The following MAGI2 variants were observed in gnomAD, a reference collection of about 807,000 sequenced individuals.
MAGI2 encodes membrane associated guanylate kinase, WW and PDZ domain containing 2, also known as membrane-associated guanylate kinase, WW and PDZ domain-containing protein 2.
MAGI2 carries 35 observed loss-of-function variants against 133.3 expected under a neutral mutation model. That is an observed-to-expected ratio of 0.26 (90% CI 0.20 to 0.35). MAGI2 has a LOEUF of 0.35. Ranked by LOEUF, MAGI2 falls within the 10% of genes least tolerant of loss-of-function variation. The pLI is 1.00. For synonymous variants in MAGI2, 729 were observed against 710.6 expected, an observed-to-expected ratio of 1.03 and a Z score of -0.41; for missense variants, 1,636 against 1,863.4, an observed-to-expected ratio of 0.88 and a Z score of 2.25.
intron 2 of MAGI2, among the ~76,000 whole-genome samples, chr7:78,828,622 G>T (rs1790872196): frequency 1.3e-5 from 2 of 152,228 alleles, no homozygotes; most frequent in South Asian, 4.2e-4. Context: ...AAGGAAATAT[G>T]AATAAAGTGT....
intron 1 of MAGI2, among the ~76,000 whole-genome samples, chr7:79,170,723 A>C (rs758904): frequency 1.4e-3 from 210 of 152,214 alleles, no homozygotes; most frequent in African/African-American, 4.9e-3. Flanking sequence ...GATGCCATTG[A>C]GATTCTTAAA....
At chr7:78,239,674 A>C (rs1198723531) in intron 10 of MAGI2, among the ~76,000 whole-genome samples, 1 of 152,240 alleles carries the variant, frequency 6.6e-6, no homozygotes, top group African/African-American at 2.4e-5. Context: ...ATCACTAATC[A>C]TCAGGGAAAT....
chr7:78,135,327 T>C (rs910434586), intron 16 of MAGI2, 121 bp from the exon 17 acceptor site: 10 of 809,220 alleles, frequency 1.2e-5, no homozygotes, highest in African/African-American at 1.2e-4. Context: ...TATTTGCCTT[T>C]TGAAATCACA....
chr7:79,363,423 A>G (rs1842488911), intron 1 of MAGI2, among the ~76,000 whole-genome samples: 1 of 150,256 alleles, frequency 6.7e-6, no homozygotes, highest in African/African-American at 2.4e-5. Context: ...CAAAATTACT[A>G]TCAAAATTCC....
At chr7:78,530,568 C>T (rs908884934) in intron 3 of MAGI2, among the ~76,000 whole-genome samples, 19 of 152,108 alleles carry the variant, frequency 1.2e-4, no homozygotes, top group African/African-American at 4.3e-4. Context: ...TGACTCATGG[C>T]AGCAGTGTGG....
intron 1 of MAGI2, among the ~76,000 whole-genome samples, chr7:79,351,361 G>C (rs186244790): frequency 6.6e-6 from 1 of 152,212 alleles, no homozygotes; most frequent in Admixed American, 6.5e-5. Flanking sequence ...ATGACTTATA[G>C]TTAAGTAAAA....
intron 1 of MAGI2, among the ~76,000 whole-genome samples, chr7:79,273,068 G>A (rs556168877): frequency 1.3e-5 from 2 of 152,082 alleles, no homozygotes; most frequent in Non-Finnish European, 2.9e-5. Flanking sequence ...CATGATACTT[G>A]GCTCAGGCAA....
intron 2 of MAGI2, among the ~76,000 whole-genome samples, chr7:79,005,224 G>A (rs149635370): frequency 0.01 from 1,580 of 152,106 alleles, 26 homozygotes; most frequent in African/African-American, 0.035. Flanking sequence ...AACTTCATTA[G>A]TCAATAATGT....
intron 21 of MAGI2, 74 bp from the exon 22 acceptor site, chr7:78,020,050 G>A (rs528042415): frequency 7.4e-7 from 1 of 1,342,928 alleles, no homozygotes; most frequent in South Asian, 1.4e-5. Context: ...GCCGGGGACA[G>A]GGGCAGGCAG....
chr7:78,136,447 G>A (rs907103918), intron 16 of MAGI2, among the ~76,000 whole-genome samples: 1 of 152,134 alleles, frequency 6.6e-6, no homozygotes, highest in African/African-American at 2.4e-5. Context: ...TTATTTATAT[G>A]TGTGAGGAGA....
intron 1 of MAGI2, among the ~76,000 whole-genome samples, chr7:79,397,572 C>T (rs1845149302): frequency 6.6e-6 from 1 of 152,044 alleles, no homozygotes; most frequent in Non-Finnish European, 1.5e-5. Context: ...CCCTCAAGCA[C>T]TGCATAAGTG....
intron 9 of MAGI2, among the ~76,000 whole-genome samples, chr7:78,281,561 ACTT>A (rs1269948119): frequency 2.6e-5 from 4 of 152,122 alleles, no homozygotes; most frequent in African/African-American, 7.2e-5. Context: ...ACTCAATTAA[ACTT>A]CTTTCCTTTA....
chr7:78,521,767 CATACAT>C, intron 3 of MAGI2, 122 bp from the exon 4 acceptor site: 1 of 689,900 alleles, frequency 1.4e-6, no homozygotes, highest in South Asian at 1.9e-5. Flanking sequence ...TACATAGACA[CATACAT>C]ATATATATAT....
chr7:79,410,755 A>G (rs1465809633), intron 1 of MAGI2: 1 of 152,154 alleles, frequency 6.6e-6, no homozygotes, highest in African/African-American at 2.4e-5. Flanking sequence ...TTACTTTCCA[A>G]CTTAACTACT....
intron 6 of MAGI2, among the ~76,000 whole-genome samples, chr7:78,381,626 A>G (rs1794933026): frequency 1.3e-5 from 2 of 152,294 alleles, no homozygotes; most frequent in African/African-American, 4.8e-5. Context: ...TAACCACCTA[A>G]TAGAGGAATA....
At chr7:79,044,376 T>G (rs1436642464) in intron 1 of MAGI2, among the ~76,000 whole-genome samples, 1 of 152,154 alleles carries the variant, frequency 6.6e-6, no homozygotes, top group African/African-American at 2.4e-5. Context: ...TTGATAAAAT[T>G]TAACATCCTT....
chr7:78,172,870 T>G (rs559551562), intron 14 of MAGI2, among the ~76,000 whole-genome samples: 2 of 152,318 alleles, frequency 1.3e-5, no homozygotes, highest in South Asian at 4.1e-4. Context: ...ATGGGAGATC[T>G]TTACAGTTTC....
chr7:78,344,007 C>A, intron 8 of MAGI2, 47 bp from the exon 9 acceptor site: 2 of 1,563,196 alleles, frequency 1.3e-6, no homozygotes, highest in South Asian at 2.4e-5. Context: ...ATGTTCAAGT[C>A]AAGTTCTCAG....
chr7:79,038,816 G>A (rs1022349663), intron 1 of MAGI2, among the ~76,000 whole-genome samples: 1 of 152,022 alleles, frequency 6.6e-6, no homozygotes, highest in African/African-American at 2.4e-5. Context: ...TTCTATTCAT[G>A]TTGCTGTGTG....
Sources: allele counts gnomAD v4.1 joint callset (sites outside exome capture counted in the v4.1 genomes callset), GRCh38; gene constraint gnomAD v4.1.1; transcripts MANE v1.5; gene names NCBI Gene and HGNC (gene_info 2026-07-23, HGNC 2026-07-21).